Variants in NTRK3 observed in about 807,000 individuals in gnomAD.
NTRK3 encodes NT-3 growth factor receptor.
NTRK3 carries 24 observed loss-of-function variants against 91.7 expected under a neutral mutation model. The ratio of observed to expected loss-of-function variants is 0.26; its 90% CI spans 0.19 to 0.37. NTRK3 has a LOEUF of 0.37. Among genes scored for constraint, NTRK3 ranks in the 10% least tolerant of loss-of-function variants. The pLI, the probability that NTRK3 is intolerant of heterozygous loss-of-function variation, is 1.00. For missense variants in NTRK3, 880 were observed against 1,068.9 expected, an observed-to-expected ratio of 0.82 and a Z score of 2.46; for synonymous variants, 483 against 404.0, an observed-to-expected ratio of 1.20 and a Z score of -2.34.
At chr15:88,007,001 G>A in intron 14 of NTRK3, among the ~76,000 whole-genome samples, 1 of 152,144 alleles carries the variant, frequency 6.6e-6, no homozygotes. Context: ...GTGCCCACCT[G>A]TGTCAACTGA....
chr15:88,069,093 A>G (rs959888941), intron 13 of NTRK3, among the ~76,000 whole-genome samples: 1 of 152,230 alleles, frequency 6.6e-6, no homozygotes, highest in Non-Finnish European at 1.5e-5. Flanking sequence ...AAGACTGCCA[A>G]AAGTTATCAA....
intron 5 of NTRK3, among the ~76,000 whole-genome samples, chr15:88,180,998 T>C (rs1482290685): frequency 6.6e-6 from 1 of 152,162 alleles, no homozygotes; most frequent in Non-Finnish European, 1.5e-5. Context: ...ACCCCCAGGC[T>C]CCTCTGGGCA....
chr15:88,135,108 G>C lies in NTRK3; in HGVS notation c.1197C>G (p.Pro399=), dbSNP rs748967102. The C allele has an allele frequency of 3.1e-6, 5 of 1,614,230 alleles. 1 individual carries two copies. In the South Asian group the frequency reaches 3.3e-5, roughly 11 times the overall value. ...CAGCTACGCTGCCCTCACCTGGAAA[G>C]GGCTCCTTGAGGAAGTGGCCATTGA... Residue 399 remains proline, a synonymous_variant, in exon 10 of 19, where the codon CCC becomes CCG. Transcript: ENST00000394480.
At chr15:87,978,097 A>T (rs567059039) in intron 14 of NTRK3, 6 of 231,538 alleles carry the variant, frequency 2.6e-5, no homozygotes, top group South Asian at 1.8e-4. Flanking sequence ...CCAGAAGTCT[A>T]CTCCACCAAT....
chr15:88,147,438 C>T, intron 5 of NTRK3, 35 bp from the exon 6 acceptor site: 1 of 1,574,560 alleles, frequency 6.4e-7, no homozygotes, highest in South Asian at 1.1e-5. Context: ...AATTTTAAAA[C>T]AAGTCTGGCA....
At chr15:88,054,445 C>T (rs899208964) in intron 13 of NTRK3, among the ~76,000 whole-genome samples, 1 of 152,164 alleles carries the variant, frequency 6.6e-6, no homozygotes, top group Admixed American at 6.5e-5. Flanking sequence ...TGGTTATAAG[C>T]TCTTGGGTGC....
intron 3 of NTRK3, among the ~76,000 whole-genome samples, chr15:88,222,965 T>C (rs1372655478): frequency 2.0e-5 from 3 of 152,164 alleles, no homozygotes. Context: ...TGCCTCACAC[T>C]GGGCTGAGAG....
chr15:88,169,341 G>C (rs2045295423), intron 5 of NTRK3, among the ~76,000 whole-genome samples: 1 of 152,206 alleles, frequency 6.6e-6, no homozygotes, highest in Non-Finnish European at 1.5e-5. Context: ...ATGGCAGGTA[G>C]TTCAAGGGAG....
intron 14 of NTRK3, chr15:87,979,368 T>C: frequency 1.2e-6 from 2 of 1,613,538 alleles, no homozygotes; most frequent in Non-Finnish European, 1.7e-6. Flanking sequence ...CGTCCTTTGC[T>C]GAAATAAACA....
intron 12 of NTRK3, 99 bp from the exon 13 acceptor site, chr15:88,126,472 T>G (rs894806670): frequency 2.7e-6 from 2 of 735,704 alleles, no homozygotes; most frequent in Non-Finnish European, 4.7e-6. Flanking sequence ...CCTACTGCCA[T>G]AGTAATTGTA....
chr15:88,119,090 T>A (rs1029343040), intron 13 of NTRK3, among the ~76,000 whole-genome samples: 2 of 152,360 alleles, frequency 1.3e-5, no homozygotes, highest in African/African-American at 2.4e-5. Context: ...AACAGTTGGT[T>A]CCCTGGAGTC....
intron 14 of NTRK3, among the ~76,000 whole-genome samples, chr15:87,990,345 G>A (rs1260080882): frequency 6.6e-6 from 1 of 152,138 alleles, no homozygotes; most frequent in Non-Finnish European, 1.5e-5. Flanking sequence ...AGCACATACC[G>A]TTCTGCAGAT....
chr15:88,117,011 T>C (rs1023749435), intron 13 of NTRK3, among the ~76,000 whole-genome samples: 3 of 152,190 alleles, frequency 2.0e-5, no homozygotes, highest in Non-Finnish European at 4.4e-5. Context: ...CGGACGTCTA[T>C]TGGATTGAGA....
chr15:87,880,018 A>G (rs943518444), intron 18 of NTRK3, among the ~76,000 whole-genome samples: 6 of 152,190 alleles, frequency 3.9e-5, no homozygotes, highest in Admixed American at 1.3e-4. Context: ...TAAGGGTAGC[A>G]GATTTAACAG....
chr15:88,158,257 C>T (rs1475510738), intron 5 of NTRK3, among the ~76,000 whole-genome samples: 2 of 152,208 alleles, frequency 1.3e-5, no homozygotes, highest in Non-Finnish European at 2.9e-5. Context: ...ACCACCGAAG[C>T]CACAACGCGC....
intron 13 of NTRK3, among the ~76,000 whole-genome samples, chr15:88,070,123 G>A (rs1048992870): frequency 2.6e-5 from 4 of 152,076 alleles, no homozygotes; most frequent in African/African-American, 9.7e-5. Flanking sequence ...AATATGAGAC[G>A]TCCTCTATGA....
chr15:88,210,489 G>T (rs1484979836), intron 3 of NTRK3, among the ~76,000 whole-genome samples: 1 of 152,192 alleles, frequency 6.6e-6, no homozygotes. Context: ...TCCTCAATTG[G>T]TTTCTTGCCT....
chr15:88,238,240 T>C (rs1386448555), intron 3 of NTRK3, among the ~76,000 whole-genome samples: 4 of 152,216 alleles, frequency 2.6e-5, no homozygotes, highest in African/African-American at 9.6e-5. Flanking sequence ...TGTGAGACCT[T>C]CTTATGGCAG....
intron 13 of NTRK3, among the ~76,000 whole-genome samples, chr15:88,033,309 CTTT>C (rs200529366): frequency 2.2e-5 from 3 of 138,448 alleles, no homozygotes; most frequent in Admixed American, 1.5e-4. Context: ...TATAGGTTGC[CTTT>C]TTTTTTTCTT....
Sources: gnomAD v4.1 joint callset for allele counts (sites outside exome capture counted in the v4.1 genomes callset) on GRCh38, gnomAD v4.1.1 for gene constraint, MANE v1.5 for transcripts, NCBI Gene and HGNC (gene_info 2026-07-23, HGNC 2026-07-21) for gene names.